Variants in DLGAP2 observed in about 807,000 individuals in gnomAD.
The protein encoded by DLGAP2 is DLG associated protein 2.
A neutral mutation model predicts 100.3 loss-of-function variants in DLGAP2; 26 were observed. The observed-to-expected ratio is 0.26, with a 90% confidence interval of 0.19 to 0.36. The LOEUF (loss-of-function observed/expected upper bound fraction) is 0.36, where lower values mean the gene tolerates loss of function less well. Ranked by LOEUF, DLGAP2 falls within the 10% of genes least tolerant of loss-of-function variation. DLGAP2 has a pLI of 1.00. For synonymous variants in DLGAP2, 886 were observed against 630.1 expected (o/e 1.41, Z -6.08); for missense variants, 1,858 against 1,453.2 (o/e 1.28, Z -4.53).
At chr8:759,160 C>G (rs1454332030) in intron 1 of DLGAP2, among the ~76,000 whole-genome samples, 3 of 95,538 alleles carry the variant, frequency 3.1e-5, no homozygotes, top group Admixed American at 1.1e-4. Flanking sequence ...TCAATACCCC[C>G]CACAGCCTTC....
intron 2 of DLGAP2, among the ~76,000 whole-genome samples, chr8:1,227,161 T>TATATATATATAGTATAG (rs1798436896): frequency 7.5e-6 from 1 of 132,468 alleles, no homozygotes; most frequent in African/African-American, 3.3e-5. Flanking sequence ...GAGATATATA[T>TATATATATATAGTATAG]ATATATATAT....
intron 3 of DLGAP2, among the ~76,000 whole-genome samples, chr8:1,273,215 C>A (rs1400292195): frequency 6.6e-6 from 1 of 152,198 alleles, no homozygotes; most frequent in Admixed American, 6.5e-5. Context: ...TCCCACCAGC[C>A]ACAAACACAC....
chr8:873,244 G>A (rs1234578880), intron 1 of DLGAP2, among the ~76,000 whole-genome samples: 3 of 152,122 alleles, frequency 2.0e-5, no homozygotes, highest in African/African-American at 7.2e-5. Flanking sequence ...GAATGTTTTA[G>A]ATTTTTTTGT....
In DLGAP2 at chr8:1,062,758, T is replaced by G. The variant is rs561135208; in HGVS notation, c.73+154792T>G. Among the ~76,000 whole-genome samples the G allele has an allele frequency of 3.3e-5, 5 of 152,288 alleles. No homozygotes were observed. In the East Asian group the frequency reaches 9.6e-4, roughly 29 times the overall value. On this transcript the variant is annotated intron_variant, in intron 2 of 14. Coordinates refer to ENST00000637795, the MANE Select transcript of DLGAP2 (RefSeq NM_001346810.2). ...AGTTGGGGGGAGACTAGTATGACTGTAATCCAGGGAGCATCTTAATTGCCA... is the reference window on the plus strand; with the variant it reads ...AGTTGGGGGGAGACTAGTATGACTGGAATCCAGGGAGCATCTTAATTGCCA...
intron 2 of DLGAP2, among the ~76,000 whole-genome samples, chr8:1,126,280 T>G (rs1156727784): frequency 2.6e-5 from 4 of 152,132 alleles, no homozygotes; most frequent in Non-Finnish European, 5.9e-5. Flanking sequence ...CCTTGAAAGC[T>G]TCCTCCATAT....
chr8:1,119,560 T>C (rs980467119), intron 2 of DLGAP2, among the ~76,000 whole-genome samples: 3 of 152,230 alleles, frequency 2.0e-5, no homozygotes, highest in African/African-American at 2.4e-5. Context: ...AGCTGAGAGA[T>C]GCTGAGCAGC....
chr8:1,270,241 A>G (rs941406917), intron 3 of DLGAP2, among the ~76,000 whole-genome samples: 2 of 152,184 alleles, frequency 1.3e-5, no homozygotes, highest in East Asian at 1.9e-4. Flanking sequence ...TGTGAACCGT[A>G]TACACAGAAG....
intron 3 of DLGAP2, among the ~76,000 whole-genome samples, chr8:1,339,070 G>A (rs1346444125): frequency 6.6e-6 from 1 of 151,988 alleles, no homozygotes; most frequent in Non-Finnish European, 1.5e-5. Flanking sequence ...TGAGGCATCA[G>A]GACCTGGCAG....
At chr8:1,358,907 C>A (rs769571003) in intron 3 of DLGAP2, among the ~76,000 whole-genome samples, 1 of 150,754 alleles carries the variant, frequency 6.6e-6, no homozygotes, top group African/African-American at 2.4e-5. Context: ...CGGGAATTCT[C>A]GGTGCAGAGG....
rs183525912 is a variant in DLGAP2 at position 830,813 on chromosome 8, A to G, written c.19-77099A>G. Among the ~76,000 whole-genome samples the G allele has an allele frequency of 2.3e-3, 354 of 152,100 alleles. 1 individual carries two copies. Among genetic ancestry groups the G allele is most frequent in the Non-Finnish European group, 3.9e-3 (266 of 68,018 alleles). Reference sequence around the variant, plus strand: ...TTTGAGTTATTTTGTTTCATATGTAAGAAGTAAAATTTCTGACTTTGGTGC... The same window carrying G: ...TTTGAGTTATTTTGTTTCATATGTAGGAAGTAAAATTTCTGACTTTGGTGC... On this transcript the variant is annotated intron_variant, in intron 1 of 14. Transcript: ENST00000637795.
chr8:870,779 C>A (rs1483583999), intron 1 of DLGAP2, among the ~76,000 whole-genome samples: 1 of 152,222 alleles, frequency 6.6e-6, no homozygotes, highest in African/African-American at 2.4e-5. Context: ...TCTTCGTGCC[C>A]TGGTGACATC....
chr8:1,153,429 T>C (rs558751135), intron 2 of DLGAP2, among the ~76,000 whole-genome samples: 5 of 152,200 alleles, frequency 3.3e-5, no homozygotes, highest in Non-Finnish European at 7.3e-5. Context: ...CAGTTCACTC[T>C]TTCTCAGCAG....
At chr8:1,097,573 A>G (rs1277904588) in intron 2 of DLGAP2, among the ~76,000 whole-genome samples, 2 of 136,876 alleles carry the variant, frequency 1.5e-5, no homozygotes, top group African/African-American at 5.7e-5. Flanking sequence ...AGCCCGGGGC[A>G]GGCCTTCACC....
intron 4 of DLGAP2, among the ~76,000 whole-genome samples, chr8:1,520,645 C>A (rs180900994): frequency 6.6e-6 from 1 of 152,182 alleles, no homozygotes; most frequent in East Asian, 1.9e-4. Context: ...CTTTGTAGTT[C>A]TGCCTTTTCC....
At chr8:767,055 C>G (rs1309543124) in intron 1 of DLGAP2, among the ~76,000 whole-genome samples, 1 of 152,204 alleles carries the variant, frequency 6.6e-6, no homozygotes, top group Non-Finnish European at 1.5e-5. Context: ...TCCTCAAGCA[C>G]TGTAACTTCT....
intron 1 of DLGAP2, among the ~76,000 whole-genome samples, chr8:887,232 TC>T (rs1451774654): frequency 6.6e-6 from 1 of 152,106 alleles, no homozygotes; most frequent in Non-Finnish European, 1.5e-5. Context: ...TGGTAAATAT[TC>T]CTCCATCCCT....
chr8:1,270,128 G>T (rs957846231), intron 3 of DLGAP2, among the ~76,000 whole-genome samples: 4 of 152,172 alleles, frequency 2.6e-5, no homozygotes, highest in African/African-American at 9.7e-5. Context: ...GCCATGGGTT[G>T]CTTTGATTTT....
At chr8:1,538,700 G>A (rs1038455529) in intron 4 of DLGAP2, among the ~76,000 whole-genome samples, 15 of 152,058 alleles carry the variant, frequency 9.9e-5, no homozygotes, top group African/African-American at 3.6e-4. Context: ...TTGTACCATT[G>A]TCATTCCAAC....
intron 3 of DLGAP2, among the ~76,000 whole-genome samples, chr8:1,285,397 A>C (rs1799901312): frequency 6.6e-6 from 1 of 152,236 alleles, no homozygotes; most frequent in Non-Finnish European, 1.5e-5. Context: ...CTAACAAATG[A>C]AAATAAGACT....
Sources: gnomAD v4.1 joint callset for allele counts (sites outside exome capture counted in the v4.1 genomes callset) on GRCh38, gnomAD v4.1.1 for gene constraint, MANE v1.5 for transcripts, NCBI Gene and HGNC (gene_info 2026-07-23, HGNC 2026-07-21) for gene names.